The following WDFY3 variants were observed in gnomAD, a reference collection of about 807,000 sequenced individuals.
WDFY3 encodes the protein WD repeat and FYVE domain-containing protein 3.
WDFY3 carries 66 observed loss-of-function variants against 409.6 expected under a neutral mutation model. That is an observed-to-expected ratio of 0.16 (90% CI 0.13 to 0.20). The LOEUF (loss-of-function observed/expected upper bound fraction) is 0.20, where lower values mean the gene tolerates loss of function less well. Among genes scored for constraint, WDFY3 ranks in the 10% least tolerant of loss-of-function variants. The pLI is 1.00. For missense variants in WDFY3, 3,031 were observed against 4,298.1 expected, an observed-to-expected ratio of 0.71 and a Z score of 8.24; for synonymous variants, 1,521 against 1,537.1, an observed-to-expected ratio of 0.99 and a Z score of 0.25.
chr4:84,885,248 A>G (rs1578980131), intron 3 of WDFY3, among the ~76,000 whole-genome samples: 1 of 150,808 alleles, frequency 6.6e-6, no homozygotes, highest in Non-Finnish European at 1.5e-5. Flanking sequence ...CAAGTGATTC[A>G]CCCGCCTTGG....
At chr4:84,828,434 A>G (rs1455259651) in intron 9 of WDFY3, among the ~76,000 whole-genome samples, 1 of 152,232 alleles carries the variant, frequency 6.6e-6, no homozygotes, top group African/African-American at 2.4e-5. Flanking sequence ...TATAATTAAG[A>G]AGAGTTTATA....
intron 45 of WDFY3, among the ~76,000 whole-genome samples, chr4:84,725,975 T>C (rs1735590528): frequency 6.6e-6 from 1 of 152,150 alleles, no homozygotes; most frequent in African/African-American, 2.4e-5. Flanking sequence ...AAATATTACT[T>C]GACATAGCAA....
At chr4:84,781,873 AAAAC>A (rs765155780) in intron 25 of WDFY3, among the ~76,000 whole-genome samples, 4 of 152,348 alleles carry the variant, frequency 2.6e-5, no homozygotes, top group Admixed American at 6.5e-5. Context: ...TCAAAAAAGA[AAAAC>A]AAACATTTAT....
At chr4:84,856,990 T>C (rs1346992290) in intron 4 of WDFY3, among the ~76,000 whole-genome samples, 1 of 152,226 alleles carries the variant, frequency 6.6e-6, no homozygotes, top group Non-Finnish European at 1.5e-5. Flanking sequence ...ACAATTTTAG[T>C]TTATTAATTA....
At chr4:84,766,084 G>A (rs1743581691) in intron 31 of WDFY3, 57 bp from the exon 32 acceptor site, 3 of 1,565,044 alleles carry the variant, frequency 1.9e-6, no homozygotes, top group South Asian at 1.2e-5. Flanking sequence ...CAGAAATTAG[G>A]ATTTCAAATC....
In WDFY3 at chr4:84,821,076, T is replaced by A; in HGVS notation, c.1591+8A>T. ...CAAATAAAAATAAAATTACAGACAA[T>A]ACTTTACCTTGTTCATTTAGTGCCT... On this transcript the variant is annotated splice_region_variant and intron_variant, in intron 11 of 67. Coordinates refer to ENST00000295888, the MANE Select transcript of WDFY3 (RefSeq NM_014991.6). 1 of 1,584,130 alleles carries A rather than the reference T, an allele frequency of 6.3e-7. No individual in the cohort carries two copies. The highest frequency in any genetic ancestry group is 1.2e-5 in the South Asian group (1 of 86,442).
At chr4:84,861,719 A>T (rs1358651700) in intron 3 of WDFY3, among the ~76,000 whole-genome samples, 1 of 152,230 alleles carries the variant, frequency 6.6e-6, no homozygotes, top group African/African-American at 2.4e-5. Flanking sequence ...CATAATGCAA[A>T]ATGTATCCCT....
At chr4:84,799,923 T>A (rs1223130321) in intron 17 of WDFY3, among the ~76,000 whole-genome samples, 2 of 152,258 alleles carry the variant, frequency 1.3e-5, no homozygotes, top group Non-Finnish European at 2.9e-5. Flanking sequence ...ATTCTATTTA[T>A]CTAACTATGC....
intron 8 of WDFY3, 34 bp downstream of exon 8, chr4:84,831,379 T>G (rs1755714934): frequency 7.2e-7 from 1 of 1,380,840 alleles, no homozygotes; most frequent in Non-Finnish European, 9.5e-7. Flanking sequence ...GTGGAAGAAA[T>G]TTAGAACACT....
At position 84,682,389 on chromosome 4, in the gene WDFY3, G is replaced by A; in HGVS notation, c.9808C>T (p.Pro3270Ser). 2 of 1,613,812 alleles carry A rather than the reference G, an allele frequency of 1.2e-6. No homozygotes were observed. Among genetic ancestry groups the A allele is most frequent in the Non-Finnish European group, 1.7e-6 (2 of 1,179,924 alleles). Reference protein sequence around the residue: ...AEVLEMQEDCPEAQIGQEAQD... With the variant: ...AEVLEMQEDCSEAQIGQEAQD... Reference sequence around the variant, plus strand: ...TATTAAATACCTATTTGTGCTTCTGGACAGTCTTCCTGCATTTCTAGGACT... The same window carrying A: ...TATTAAATACCTATTTGTGCTTCTGAACAGTCTTCCTGCATTTCTAGGACT... Residue 3270 changes from proline (P) to serine (S), a missense_variant, in exon 64 of 68, where the codon CCA (proline) becomes TCA (serine). This residue lies in a region of WDFY3 where 378 missense variants were observed against 477.3 expected (regional missense o/e 0.79). Coordinates refer to ENST00000295888, the MANE Select transcript of WDFY3 (RefSeq NM_014991.6).
chr4:84,717,332 GA>G (rs1734107413), intron 48 of WDFY3, among the ~76,000 whole-genome samples: 1 of 151,118 alleles, frequency 6.6e-6, no homozygotes, highest in African/African-American at 2.4e-5. Flanking sequence ...TTAAAAATCA[GA>G]AAAAAAATCA....
At position 84,955,356 on chromosome 4, in the gene WDFY3, G is replaced by T. The variant is rs184770614; in HGVS notation, c.-226+10853C>A. 3.9e-3 allele frequency among the ~76,000 whole-genome samples: 589 copies of T among 152,242 alleles called. 3 individuals carry two copies. The highest frequency in any genetic ancestry group is 3.9e-3 in the Non-Finnish European group (265 of 68,026). ...TAGGGCTGTGAATGAATTACCCTGT[G>T]GAAACAATCAGCCATTTGTCTAATA... On this transcript the variant is annotated intron_variant, in intron 1 of 67. Transcript: ENST00000295888.
chr4:84,739,459 A>G (rs894072382), intron 39 of WDFY3: 2 of 236,270 alleles, frequency 8.5e-6, no homozygotes, highest in East Asian at 1.1e-4. Flanking sequence ...CTCCAGTCTT[A>G]TATCTCACTA....
At chr4:84,856,939 T>G (rs1036643939) in intron 4 of WDFY3, among the ~76,000 whole-genome samples, 11 of 152,172 alleles carry the variant, frequency 7.2e-5, no homozygotes, top group African/African-American at 2.7e-4. Context: ...TAAATAGATA[T>G]GGCTATATAT....
Position 84,765,804 on chromosome 4 carries a change from C to T in WDFY3, c.5188+6G>A. The T allele has an allele frequency of 6.2e-7, 1 of 1,612,628 alleles. No homozygotes were observed. The highest frequency in any genetic ancestry group is 8.5e-7 in the Non-Finnish European group (1 of 1,179,310). Reference sequence around the variant, plus strand: ...TTTCAAGCAGCTGACTAGAAAAGTCCCATACCTAATACAGTTCCAATCTTA... The same window carrying T: ...TTTCAAGCAGCTGACTAGAAAAGTCTCATACCTAATACAGTTCCAATCTTA... On this transcript the variant is annotated splice_donor_region_variant and intron_variant, in intron 32 of 67. Transcript: ENST00000295888.
intron 17 of WDFY3, 119 bp from the exon 18 acceptor site, chr4:84,798,227 A>C: frequency 1.3e-6 from 1 of 792,794 alleles, no homozygotes; most frequent in South Asian, 2.0e-5. Context: ...AAAAAAATGC[A>C]AAGTATAATA....
chr4:84,893,463 C>T (rs1303700088), intron 3 of WDFY3, among the ~76,000 whole-genome samples: 1 of 152,142 alleles, frequency 6.6e-6, no homozygotes, highest in Non-Finnish European at 1.5e-5. Context: ...ATTCTTTATT[C>T]TTTTTGTTAT....
intron 30 of WDFY3, among the ~76,000 whole-genome samples, chr4:84,769,355 T>C (rs892400449): frequency 2.0e-5 from 3 of 152,184 alleles, no homozygotes; most frequent in African/African-American, 4.8e-5. Flanking sequence ...CAGAAAACTT[T>C]TGTGAAAGGA....
intron 3 of WDFY3, among the ~76,000 whole-genome samples, chr4:84,878,067 G>A (rs192760305): frequency 3.3e-5 from 5 of 151,946 alleles, no homozygotes; most frequent in Non-Finnish European, 5.9e-5. Context: ...AGATTGTTGG[G>A]TACCCCATAA....
Sources: gnomAD v4.1 joint callset for allele counts (sites outside exome capture counted in the v4.1 genomes callset) on GRCh38, gnomAD v4.1.1 for gene constraint, gnomAD v4.1.1 regional missense constraint, MANE v1.5 for transcripts, NCBI Gene and HGNC (gene_info 2026-07-23, HGNC 2026-07-21) for gene names.